MAP4: variants seen among roughly 807,000 people sequenced by gnomAD.
MAP4 encodes microtubule associated protein 4, also known as microtubule-associated protein 4.
MAP4 carries 76 observed loss-of-function variants against 170.2 expected under a neutral mutation model. That is an observed-to-expected ratio of 0.45 (90% confidence interval 0.37 to 0.54). The LOEUF (loss-of-function observed/expected upper bound fraction) is 0.54. MAP4 is among the 20% of genes least tolerant of loss of function. MAP4 has a pLI of 0.00. For synonymous variants in MAP4, 909 were observed against 994.5 expected, an observed-to-expected ratio of 0.91 and a Z score of 1.62; for missense variants, 2,506 against 2,748.0, an observed-to-expected ratio of 0.91 and a Z score of 1.97.
intron 1 of MAP4, among the ~76,000 whole-genome samples, chr3:48,003,610 G>GC (rs2100100551): frequency 6.6e-6 from 1 of 152,082 alleles, no homozygotes; most frequent in Non-Finnish European, 1.5e-5. Flanking sequence ...AGAGTCTATG[G>GC]CCCTTTTGTC....
intron 16 of MAP4, among the ~76,000 whole-genome samples, chr3:47,868,357 C>T (rs1465952307): frequency 6.6e-6 from 1 of 152,180 alleles, no homozygotes; most frequent in Non-Finnish European, 1.5e-5. Context: ...TCATTTCTAG[C>T]CTTTTTCACA....
chr3:47,945,816 C>T (rs188358841), intron 3 of MAP4, among the ~76,000 whole-genome samples: 8 of 151,750 alleles, frequency 5.3e-5, no homozygotes, highest in Admixed American at 5.2e-4. Flanking sequence ...ACCTCCTGGG[C>T]TCAAGTGACC....
At chr3:47,892,808 A>G in intron 10 of MAP4, 1 of 1,145,260 alleles carries the variant, frequency 8.7e-7, no homozygotes, top group Non-Finnish European at 1.1e-6. Flanking sequence ...AATTTAAAAC[A>G]CAGTATGGTG....
chr3:48,062,614 A>T (rs1361907607), intron 1 of MAP4, among the ~76,000 whole-genome samples: 1 of 151,152 alleles, frequency 6.6e-6, no homozygotes, highest in Non-Finnish European at 1.5e-5. Context: ...ATTAAAAATA[A>T]ATTAAAAAAA....
At chr3:47,948,109 T>C (rs541980534) in intron 3 of MAP4, among the ~76,000 whole-genome samples, 5 of 151,734 alleles carry the variant, frequency 3.3e-5, no homozygotes, top group East Asian at 3.9e-4. Context: ...GCGATTCTCC[T>C]GACTCAGGCT....
intron 2 of MAP4, among the ~76,000 whole-genome samples, chr3:47,994,462 G>A (rs1222957470): frequency 3.3e-5 from 5 of 152,110 alleles, no homozygotes; most frequent in Admixed American, 6.5e-5. Context: ...GCTGCTTTTC[G>A]TTTTCTAATT....
At chr3:47,952,667 A>T (rs2100065182) in intron 3 of MAP4, among the ~76,000 whole-genome samples, 1 of 151,034 alleles carries the variant, frequency 6.6e-6, no homozygotes, top group African/African-American at 2.4e-5. Context: ...TTAAAAAAAA[A>T]ATAAAAATAA....
intron 3 of MAP4, among the ~76,000 whole-genome samples, chr3:47,961,264 G>A (rs2100071419): frequency 6.6e-6 from 1 of 152,178 alleles, no homozygotes; most frequent in South Asian, 2.1e-4. Flanking sequence ...GACATTGGGA[G>A]GCTGAGGCCG....
chr3:48,019,613 G>T (rs1438883059), upstream of MAP4, among the ~76,000 whole-genome samples: 1 of 152,204 alleles, frequency 6.6e-6, no homozygotes, highest in Non-Finnish European at 1.5e-5. Context: ...GGCTGGGCAT[G>T]GTGGTTCATG....
At chr3:47,986,298 A>G (rs995473721) in intron 2 of MAP4, among the ~76,000 whole-genome samples, 1 of 151,824 alleles carries the variant, frequency 6.6e-6, no homozygotes, top group Non-Finnish European at 1.5e-5. Flanking sequence ...TATTTTTAGC[A>G]ATGAAGTGGT....
chr3:47,853,399 G>A (rs1329609136), intron 19 of MAP4, 47 bp from the exon 20 acceptor site: 3 of 1,298,174 alleles, frequency 2.3e-6, no homozygotes, highest in South Asian at 1.3e-5. Flanking sequence ...GTCGAGGGGG[G>A]GAGTGGGATG....
chr3:47,879,614 T>TTG (rs151310580), intron 10 of MAP4, among the ~76,000 whole-genome samples: 8 of 151,576 alleles, frequency 5.3e-5, no homozygotes, highest in South Asian at 4.2e-4. Flanking sequence ...ATGCACTCAT[T>TTG]TGTGTGTGTG....
intron 1 of MAP4, among the ~76,000 whole-genome samples, chr3:48,035,067 G>C (rs114436730): frequency 1.3e-5 from 2 of 151,198 alleles, no homozygotes; most frequent in African/African-American, 2.4e-5. Context: ...CTGACTACAA[G>C]TGAACAAAAA....
rs2090387081 is a variant in MAP4 at position 47,870,839 on chromosome 3, T to C, written c.6268A>G (p.Ile2090Val). Reference sequence around the variant, plus strand: ...CGGCCTCCTCCAGGCTGATGCTTGATGTTTTCCGTGGAGCCAACCTTGGAG... The same window carrying C: ...CGGCCTCCTCCAGGCTGATGCTTGACGTTTTCCGTGGAGCCAACCTTGGAG... ...VRSKVGSTEN[I>V]KHQPGGGRAK... Residue 2090 changes from isoleucine to valine, a missense_variant, in exon 15 of 21, where the codon ATC becomes GTC. Physicochemically the swap from Ile to Val is conservative, Grantham distance 29. Transcript: ENST00000683076. 2 of 1,582,932 alleles carry C rather than the reference T, an allele frequency of 1.3e-6. No homozygotes were observed. The highest frequency in any genetic ancestry group is 1.7e-6 in the Non-Finnish European group (2 of 1,162,124).
chr3:47,923,644 C>T (rs1479244545), intron 4 of MAP4, among the ~76,000 whole-genome samples: 3 of 150,252 alleles, frequency 2.0e-5, no homozygotes, highest in Non-Finnish European at 4.4e-5. Context: ...AAAACAAACC[C>T]TTATTTTCAA....
chr3:47,956,100 G>A (rs1226829295), intron 3 of MAP4, among the ~76,000 whole-genome samples: 1 of 152,024 alleles, frequency 6.6e-6, no homozygotes, highest in Non-Finnish European at 1.5e-5. Context: ...TTCTCATCAG[G>A]AACTAGATGT....
At chr3:48,034,631 A>AG (rs1460072313) in intron 1 of MAP4, among the ~76,000 whole-genome samples, 2 of 151,758 alleles carry the variant, frequency 1.3e-5, no homozygotes, top group Middle Eastern at 3.2e-3. Flanking sequence ...TTGAACCTGG[A>AG]GGGGGAGGTT....
intron 10 of MAP4, among the ~76,000 whole-genome samples, chr3:47,884,248 CCT>C (rs1305120057): frequency 6.6e-6 from 1 of 152,102 alleles, no homozygotes; most frequent in Non-Finnish European, 1.5e-5. Context: ...CTGATTCTGT[CCT>C]CTGTTATCTG....
intron 10 of MAP4, among the ~76,000 whole-genome samples, chr3:47,882,362 TTCTC>T (rs1260111787): frequency 5.3e-5 from 8 of 152,314 alleles, no homozygotes; most frequent in South Asian, 2.1e-4. Context: ...TTTTTATTTG[TTCTC>T]TCTTTTTCTC....
Sources: gnomAD v4.1 joint callset for allele counts (sites outside exome capture counted in the v4.1 genomes callset) on GRCh38, gnomAD v4.1.1 for gene constraint, MANE v1.5 for transcripts, NCBI Gene and HGNC (gene_info 2026-07-23, HGNC 2026-07-21) for gene names.